The following KMT2C variants were observed in gnomAD, a reference collection of about 807,000 sequenced individuals.
KMT2C encodes the protein histone-lysine N-methyltransferase 2C.
In KMT2C, 88 loss-of-function variants were observed where a neutral mutation model predicts 507.9. The ratio of observed to expected loss-of-function variants is 0.17; its 90% confidence interval spans 0.15 to 0.21. The LOEUF (loss-of-function observed/expected upper bound fraction) is 0.21. KMT2C is among the 10% of genes least tolerant of loss of function. KMT2C has a pLI of 1.00. For missense variants in KMT2C, 4,954 were observed against 5,957.8 expected, an observed-to-expected ratio of 0.83 and a Z score of 5.55; for synonymous variants, 2,049 against 2,080.8, an observed-to-expected ratio of 0.98 and a Z score of 0.42.
At chr7:152,257,461 A>G (rs2095678990) in intron 9 of KMT2C, among the ~76,000 whole-genome samples, 1 of 152,208 alleles carries the variant, frequency 6.6e-6, no homozygotes, top group Non-Finnish European at 1.5e-5. Context: ...GAGTTTTGAA[A>G]GTATACTAAT....
intron 33 of KMT2C, among the ~76,000 whole-genome samples, 197 bp downstream of exon 33, chr7:152,187,065 T>G (rs572308082): frequency 6.6e-6 from 1 of 152,274 alleles, no homozygotes; most frequent in Non-Finnish European, 1.5e-5. Context: ...AACTAATTTT[T>G]GGGAAATATG....
intron 2 of KMT2C, among the ~76,000 whole-genome samples, chr7:152,335,409 T>A (rs879201962): frequency 6.6e-6 from 1 of 152,134 alleles, no homozygotes; most frequent in Admixed American, 6.5e-5. Context: ...GTGACAAACT[T>A]AAGGAGGAAT....
intron 1 of KMT2C, among the ~76,000 whole-genome samples, chr7:152,360,879 G>A (rs1326120365): frequency 1.3e-5 from 2 of 150,228 alleles, no homozygotes; most frequent in Admixed American, 1.3e-4. Context: ...AGTAATCAAA[G>A]CCTAAATGGT....
rs75450987 is a variant in KMT2C, at chr7:152,253,790, GT to G, written c.1300-1076del. 3.9e-5 allele frequency among the ~76,000 whole-genome samples: 6 copies of G among 152,222 alleles called. No individual in the cohort carries two copies. The East Asian group carries it at 1.2e-3, about 29-fold the overall frequency. ...CAAAAGTCCAATGATGGCCCTTCATGTTTTTAGAATAGAGAGAGTGTCCTAT... is the reference window on the plus strand; with the variant it reads ...CAAAAGTCCAATGATGGCCCTTCATGTTTTAGAATAGAGAGAGTGTCCTAT... On this transcript the variant is annotated intron_variant, in intron 9 of 58. Coordinates refer to ENST00000262189, the MANE Select transcript of KMT2C (RefSeq NM_170606.3).
rs759058795 is a variant in KMT2C, at chr7:152,148,271, G to A, written c.13656C>T (p.Ser4552=). 1.7e-5 allele frequency: 27 copies of A among 1,614,138 alleles called. No individual in the cohort carries two copies. The highest frequency in any genetic ancestry group is 2.3e-5 in the Non-Finnish European group (27 of 1,180,052). The change falls in exon 52 of 59, where the codon AGC becomes AGT. Residue 4552 remains serine, a synonymous_variant. Coordinates refer to ENST00000262189, the MANE Select transcript of KMT2C (RefSeq NM_170606.3). The surrounding 1 kb of genome is among the most constrained non-coding windows in gnomAD (Gnocchi z 7.1). The part of the protein sequence containing the change: ...GERDHTFRVG[S]LIFHTIGQLL... Reference sequence around the variant, plus strand: ...GCTGACCAATTGTGTGGAAGATGAGGCTACCCACGCGAAAGGTATGGTCCC... The same window carrying A: ...GCTGACCAATTGTGTGGAAGATGAGACTACCCACGCGAAAGGTATGGTCCC...
At chr7:152,353,426 T>C (rs1211716037) in intron 2 of KMT2C, among the ~76,000 whole-genome samples, 1 of 152,176 alleles carries the variant, frequency 6.6e-6, no homozygotes, top group Non-Finnish European at 1.5e-5. Flanking sequence ...AGGTTTCTTA[T>C]TACTTTCCCA....
At chr7:152,337,856 A>AT (rs550943327) in intron 2 of KMT2C, among the ~76,000 whole-genome samples, 3,652 of 140,666 alleles carry the variant, frequency 0.026, 132 homozygotes, top group African/African-American at 0.081. Flanking sequence ...ATACAACTTG[A>AT]TTTTTTTTTT....
chr7:152,216,985 G>A (rs968359232), intron 23 of KMT2C, among the ~76,000 whole-genome samples: 3 of 152,024 alleles, frequency 2.0e-5, no homozygotes. Flanking sequence ...GGCTCATCCT[G>A]GTTCACCTAT....
chr7:152,290,288 A>ATT (rs2096401453), intron 6 of KMT2C, among the ~76,000 whole-genome samples: 1 of 31,972 alleles, frequency 3.1e-5, no homozygotes, highest in Non-Finnish European at 5.3e-5. Flanking sequence ...ATATATATAT[A>ATT]TATATATTTT....
At chr7:152,268,335 T>C (rs1299035714) in intron 7 of KMT2C, among the ~76,000 whole-genome samples, 2 of 152,182 alleles carry the variant, frequency 1.3e-5, no homozygotes, top group South Asian at 4.1e-4. Context: ...CAAATACCTT[T>C]AGTTGTTGAA....
rs573794942 is a variant in KMT2C at position 152,135,874 on chromosome 7, C to T, written c.*958G>A. On this transcript the variant is annotated 3_prime_UTR_variant, in exon 59 of 59. Coordinates refer to ENST00000262189, the MANE Select transcript of KMT2C (RefSeq NM_170606.3). Reference sequence around the variant, plus strand: ...AAAACCATTGAGTACTAATAGACTGCGGTTTCCAAAAAACCCCCAACACTC... The same window carrying T: ...AAAACCATTGAGTACTAATAGACTGTGGTTTCCAAAAAACCCCCAACACTC... 55 of 230,552 alleles carry T rather than the reference C, an allele frequency of 2.4e-4. No individual in the cohort carries two copies. Among genetic ancestry groups the T allele is most frequent in the Non-Finnish European group, 3.5e-4 (41 of 116,306 alleles). 14.3% of individuals were successfully genotyped at this position (230,552 alleles called of 1,614,324 possible). A position where few individuals can be genotyped will look rare whatever the true frequency, so the allele number is the denominator to read the frequency against.
intron 1 of KMT2C, among the ~76,000 whole-genome samples, chr7:152,415,608 C>T (rs796357493): frequency 1.3e-5 from 2 of 152,144 alleles, no homozygotes; most frequent in African/African-American, 2.4e-5. Flanking sequence ...AAGGCTGACG[C>T]GGTGGCTCAT....
intron 31 of KMT2C, among the ~76,000 whole-genome samples, chr7:152,192,089 G>C (rs866849059): frequency 6.6e-6 from 1 of 150,746 alleles, no homozygotes; most frequent in Non-Finnish European, 1.5e-5. Context: ...TTAAAAATGA[G>C]ACTGCACAAT....
At chr7:152,392,319 C>CA (rs1020309544) in intron 1 of KMT2C, among the ~76,000 whole-genome samples, 1 of 152,118 alleles carries the variant, frequency 6.6e-6, no homozygotes, top group Non-Finnish European at 1.5e-5. Flanking sequence ...CTTTATTTTT[C>CA]AGTAAAGTTC....
intron 1 of KMT2C, among the ~76,000 whole-genome samples, chr7:152,433,503 A>G (rs1190167919): frequency 6.6e-6 from 1 of 152,214 alleles, no homozygotes; most frequent in African/African-American, 2.4e-5. Context: ...ATTCCCTTCA[A>G]AAGACACAAT....
At chr7:152,409,495 ATCAGGAGG>A (rs1472180709) in intron 1 of KMT2C, among the ~76,000 whole-genome samples, 1 of 151,464 alleles carries the variant, frequency 6.6e-6, no homozygotes, top group Non-Finnish European at 1.5e-5. Context: ...AGGCAGGTGC[ATCAGGAGG>A]TCAGGAGATC....
chr7:152,167,684 T>C (rs1378833278), intron 41 of KMT2C, among the ~76,000 whole-genome samples: 1 of 152,186 alleles, frequency 6.6e-6, no homozygotes, highest in Non-Finnish European at 1.5e-5. Flanking sequence ...ACTAAACAAA[T>C]TCTCTAACCC....
chr7:152,333,923 C>A (rs929937679), intron 2 of KMT2C, among the ~76,000 whole-genome samples: 1 of 151,604 alleles, frequency 6.6e-6, no homozygotes, highest in Non-Finnish European at 1.5e-5. Flanking sequence ...CTGTCTATCC[C>A]GAGACAAAAT....
rs1357896010 is a variant in KMT2C at position 152,163,636 on chromosome 7, T to G, written c.9941A>C (p.Gln3314Pro). The change falls in exon 43 of 59, where the codon CAG becomes CCG. Residue 3314 changes from glutamine (Q) to proline (P), a missense_variant. By Grantham distance (76) the Gln-to-Pro change is moderately conservative. Coordinates refer to ENST00000262189, the MANE Select transcript of KMT2C (RefSeq NM_170606.3). Reference protein sequence around the residue: ...FPMVPQQLQHQQHTTVISGHT... With the variant: ...FPMVPQQLQHPQHTTVISGHT... ...GCCAGAAATAACTGTTGTGTGCTGCTGGTGCTGAAGCTGCTGTGGCACCAT... is the reference window on the plus strand; with the variant it reads ...GCCAGAAATAACTGTTGTGTGCTGCGGGTGCTGAAGCTGCTGTGGCACCAT... 6.2e-7 allele frequency: 1 copy of G among 1,612,446 alleles called. No individual in the cohort carries two copies. Among genetic ancestry groups the G allele is most frequent in the South Asian group, 1.1e-5 (1 of 90,822 alleles).
Sources: allele counts gnomAD v4.1 joint callset (sites outside exome capture counted in the v4.1 genomes callset), GRCh38; gene constraint gnomAD v4.1.1; non-coding constraint Gnocchi (gnomAD v3.1); transcripts MANE v1.5; gene names NCBI Gene and HGNC (gene_info 2026-07-23, HGNC 2026-07-21).